LRRC34: variants seen among roughly 807,000 people sequenced by gnomAD.
LRRC34 encodes leucine rich repeat containing 34.
A neutral mutation model predicts 48.5 loss-of-function variants in LRRC34; 44 were observed. The observed-to-expected ratio is 0.91, with a 90% CI of 0.71 to 1.17. The LOEUF (loss-of-function observed/expected upper bound fraction) is 1.17, where lower values mean the gene tolerates loss of function less well. LRRC34 is among the 50% of genes most tolerant of loss of function. LRRC34 has a pLI of 0.00. For synonymous variants in LRRC34, 192 were observed against 197.6 expected (o/e 0.97, Z 0.24); for missense variants, 502 against 563.0 (o/e 0.89, Z 1.10).
intron 2 of LRRC34, 63 bp from the exon 3 acceptor site, chr3:169,807,772 G>C: frequency 7.0e-7 from 1 of 1,427,784 alleles, no homozygotes; most frequent in Non-Finnish European, 9.2e-7. Flanking sequence ...CAGTAAAGAA[G>C]TAAAAGTATG....
rs980573004 is a variant in LRRC34, at chr3:169,812,352, G to A, written c.139+58C>T. ...GGAGGACTCCTGCCGTGCGACCCCG[G>A]CGCCCCTCGCGCGTTTTGTCTGGGC... is the stretch of plus-strand genomic sequence containing the variant. On this transcript the variant is annotated intron_variant, in intron 1 of 10. Transcript: ENST00000446859. This position sits in a 1 kb window ranked among gnomAD's most constrained non-coding sequence, Gnocchi z 4.3. The A allele has an allele frequency of 3.3e-5, 49 of 1,478,740 alleles. No individual in the cohort carries two copies. The highest frequency in any genetic ancestry group is 2.5e-4 in the Admixed American group (11 of 44,424). 91.6% of individuals were successfully genotyped at this position (1,478,740 alleles called of 1,614,324 possible).
chr3:169,802,306 G>A (rs894247232), intron 6 of LRRC34, among the ~76,000 whole-genome samples: 1 of 152,134 alleles, frequency 6.6e-6, no homozygotes. Flanking sequence ...GCCACACTTA[G>A]GGAAGCACTA....
In LRRC34 at chr3:169,812,608, G is replaced by A. The variant is rs1779638145; in HGVS notation, c.-60C>T. On this transcript the variant is annotated 5_prime_UTR_variant, in exon 1 of 11. Transcript: ENST00000446859. This position sits in a 1 kb window ranked among gnomAD's most constrained non-coding sequence, Gnocchi z 4.3. ...CTGTGAGGCGGCTACACGAGCCTCGGCGCCAGCCTGCTTCGAGTCCCGCTG... is the reference window on the plus strand; with the variant it reads ...CTGTGAGGCGGCTACACGAGCCTCGACGCCAGCCTGCTTCGAGTCCCGCTG... 5.7e-6 allele frequency: 8 copies of A among 1,412,602 alleles called. No homozygotes were observed. The highest frequency in any genetic ancestry group is 7.3e-6 in the Non-Finnish European group (8 of 1,090,562). 87.5% of individuals were successfully genotyped at this position (1,412,602 alleles called of 1,614,324 possible). A position where few individuals can be genotyped will look rare whatever the true frequency, so the allele number is the denominator to read the frequency against.
rs148649967 is a variant in LRRC34 at position 169,810,017 on chromosome 3, C to T, written c.140-1272G>A. On this transcript the variant is annotated intron_variant, in intron 1 of 10. Transcript: ENST00000446859. ...TGCCACCCAAGCTGGAGAGCAGGAG[C>T]GCAATCTCGGCTCACTGCAACCTCT... Among the ~76,000 whole-genome samples, 211 of 148,678 alleles carry T rather than the reference C, an allele frequency of 1.4e-3. 1 individual carries two copies. The highest frequency in any genetic ancestry group is 4.4e-3 in the African/African-American group (177 of 40,018).
intron 1 of LRRC34, among the ~76,000 whole-genome samples, chr3:169,810,219 G>A (rs1212770200): frequency 6.6e-6 from 1 of 151,714 alleles, no homozygotes; most frequent in Non-Finnish European, 1.5e-5. Flanking sequence ...GGGATTACAG[G>A]TGAGCCACTG....
Position 169,807,715 on chromosome 3 carries a change from A to AAC in LRRC34, c.258-7_258-6insGT. On this transcript the variant is annotated splice_polypyrimidine_tract_variant and splice_region_variant and intron_variant, in intron 2 of 10. Coordinates refer to ENST00000446859, the MANE Select transcript of LRRC34 (RefSeq NM_001172779.2). ...ATGTGATTCCTGCTGCTAGCCTGTT[A>AAC]AAATACAAAAAAAAAAAAAAAAAAA... 6.9e-7 allele frequency: 1 copy of AAC among 1,458,498 alleles called. No homozygotes were observed. Among genetic ancestry groups the AAC allele is most frequent in the Non-Finnish European group, 9.0e-7 (1 of 1,109,466 alleles). The allele number at this position is 1,458,498 out of a possible 1,614,324, so 90.3% of individuals were successfully genotyped here.
Position 169,800,878 on chromosome 3 carries a change from A to T in LRRC34, c.658-124T>A, listed in dbSNP as rs1011018384. 5 of 648,990 alleles carry T rather than the reference A, an allele frequency of 7.7e-6. No individual in the cohort carries two copies. The African/African-American group carries it at 9.1e-5, about 12-fold the overall frequency. The allele number at this position is 648,990 out of a possible 1,614,324, so 40.2% of individuals were successfully genotyped here. A position where few individuals can be genotyped will look rare whatever the true frequency, so the allele number is the denominator to read the frequency against. On this transcript the variant is annotated intron_variant, in intron 6 of 10. Transcript: ENST00000446859. ...TTTTTAAAATTTAAGCATTCCTTGG[A>T]CTTTGAATTGTAAGTTGATCAAATT...
At position 169,795,593 on chromosome 3, in the gene LRRC34, G is replaced by T. The variant is rs576198158; in HGVS notation, c.1083C>A (p.Asn361Lys). 1.9e-6 allele frequency: 3 copies of T among 1,611,608 alleles called. No individual in the cohort carries two copies. Among genetic ancestry groups the T allele is most frequent in the East Asian group, 4.5e-5 (2 of 44,732 alleles). Residue 361 changes from asparagine to lysine, a missense_variant, in exon 10 of 11, where the codon AAC becomes AAA. Physicochemically the swap from Asn to Lys is moderately conservative, Grantham distance 94. Transcript: ENST00000446859. ...CAACAAGTCCTTCTCCCTCTATGTTGTTGCTGACTACTGACAACCTGAAAC... is the reference window on the plus strand; with the variant it reads ...CAACAAGTCCTTCTCCCTCTATGTTTTTGCTGACTACTGACAACCTGAAAC... ...RSLKALSVVS[N>K]NIEGEGLVAL...
Position 169,812,021 on chromosome 3 carries a change from A to G in LRRC34, c.139+389T>C, listed in dbSNP as rs1779593080. On this transcript the variant is annotated intron_variant, in intron 1 of 10. Transcript: ENST00000446859. This position sits in a 1 kb window ranked among gnomAD's most constrained non-coding sequence, Gnocchi z 4.3. Reference sequence around the variant, plus strand: ...GTGCAAAGTCAGAAACAGTATCAAGACCCTCATGCCCCCCTGTGACCTGCT... The same window carrying G: ...GTGCAAAGTCAGAAACAGTATCAAGGCCCTCATGCCCCCCTGTGACCTGCT... Among the ~76,000 whole-genome samples the G allele has an allele frequency of 6.6e-6, 1 of 151,996 alleles. No individual in the cohort carries two copies. Among genetic ancestry groups the G allele is most frequent in the Admixed American group, 6.6e-5 (1 of 15,254 alleles).
At chr3:169,802,379 G>C (rs560414982) in intron 6 of LRRC34, among the ~76,000 whole-genome samples, 5 of 152,276 alleles carry the variant, frequency 3.3e-5, no homozygotes, top group Non-Finnish European at 7.4e-5. Context: ...CTCTCCATGA[G>C]TTTTTTCTCA....
At chr3:169,807,967 C>T (rs878893738) in intron 2 of LRRC34, 1 of 389,726 alleles carries the variant, frequency 2.6e-6, no homozygotes, top group Non-Finnish European at 4.5e-6. Flanking sequence ...CTCACACAAA[C>T]AGTATCCCCA....
rs112320485 is a variant in LRRC34, at chr3:169,796,727, G to A, written c.908+18C>T. On this transcript the variant is annotated intron_variant, in intron 8 of 10. Coordinates refer to ENST00000446859, the MANE Select transcript of LRRC34 (RefSeq NM_001172779.2). ...CATTATTTAACTTTGAATTATTAAT[G>A]TGTAAATTATCACTTACCAGCTGAC... 6.3e-7 allele frequency: 1 copy of A among 1,595,540 alleles called. No homozygotes were observed. The highest frequency in any genetic ancestry group is 8.5e-7 in the Non-Finnish European group (1 of 1,172,644).
chr3:169,809,524 T>TA lies in LRRC34; in HGVS notation c.140-780dup, dbSNP rs1779491746. On this transcript the variant is annotated intron_variant, in intron 1 of 10. Coordinates refer to ENST00000446859, the MANE Select transcript of LRRC34 (RefSeq NM_001172779.2). ...GCAGGAGTTGAGATCTCCTTTCTGT[T>TA]ATACATGCAGATTTCCTTAATGACC... Among the ~76,000 whole-genome samples the TA allele has an allele frequency of 2.0e-5, 3 of 152,220 alleles. No homozygotes were observed. The South Asian group carries it at 6.2e-4, about 31-fold the overall frequency.
At chr3:169,803,958 C>A in intron 6 of LRRC34, 95 bp downstream of exon 6, 1 of 1,235,578 alleles carries the variant, frequency 8.1e-7, no homozygotes, top group Non-Finnish European at 1.1e-6. Context: ...TGATATTAGA[C>A]ATAAGAGGCA....
At chr3:169,800,805 C>T (rs1401176434) in intron 6 of LRRC34, 51 bp from the exon 7 acceptor site, 19 of 1,150,746 alleles carry the variant, frequency 1.7e-5, no homozygotes, top group African/African-American at 6.2e-5. Context: ...ATAATAATCT[C>T]GCTACATAAA....
chr3:169,803,466 CAG>C (rs1335659513), intron 6 of LRRC34, among the ~76,000 whole-genome samples: 10 of 152,214 alleles, frequency 6.6e-5, no homozygotes, highest in Non-Finnish European at 1.2e-4. Context: ...TGTTTTGAGT[CAG>C]AGTCTCACTC....
In LRRC34 at chr3:169,793,602, C is replaced by G. The variant is rs1224976534; in HGVS notation, c.*33G>C. The G allele has an allele frequency of 2.1e-6, 3 of 1,452,400 alleles. No homozygotes were observed. The highest frequency in any genetic ancestry group is 2.9e-6 in the Non-Finnish European group (3 of 1,040,352). The allele number at this position is 1,452,400 out of a possible 1,614,324, so 90.0% of individuals were successfully genotyped here. Reference sequence around the variant, plus strand: ...TATTAATCTCTGTGAAACAATAAGACAAGTGTATGAAAATTATTTTACAGC... The same window carrying G: ...TATTAATCTCTGTGAAACAATAAGAGAAGTGTATGAAAATTATTTTACAGC... On this transcript the variant is annotated 3_prime_UTR_variant, in exon 11 of 11. Transcript: ENST00000446859.
chr3:169,803,957 A>T lies in LRRC34; in HGVS notation c.657+96T>A, dbSNP rs924882345. 29 of 1,236,368 alleles carry T rather than the reference A, an allele frequency of 2.3e-5. No individual in the cohort carries two copies. In the African/African-American group the frequency reaches 3.7e-4, roughly 16 times the overall value. The allele number at this position is 1,236,368 out of a possible 1,614,324, so 76.6% of individuals were successfully genotyped here. A position where few individuals can be genotyped will look rare whatever the true frequency, so the allele number is the denominator to read the frequency against. On this transcript the variant is annotated intron_variant, in intron 6 of 10. Transcript: ENST00000446859. ...AAAAACACCTTTTCTCTGATATTAG[A>T]CATAAGAGGCAAAATTAATCATTCA... is the stretch of plus-strand genomic sequence containing the variant.
intron 7 of LRRC34, among the ~76,000 whole-genome samples, chr3:169,799,196 C>T (rs1217289685): frequency 3.9e-5 from 6 of 152,044 alleles, no homozygotes; most frequent in African/African-American, 1.2e-4. Flanking sequence ...AAAAGTGCAG[C>T]GATAACTCAA....
Sources: gnomAD v4.1 joint callset for allele counts (sites outside exome capture counted in the v4.1 genomes callset) on GRCh38, gnomAD v4.1.1 for gene constraint, Gnocchi (gnomAD v3.1) non-coding constraint, MANE v1.5 for transcripts, NCBI Gene and HGNC (gene_info 2026-07-23, HGNC 2026-07-21) for gene names.